GALNT11: variants seen among roughly 807,000 people sequenced by gnomAD.
GALNT11 encodes the protein UDP-GalNAc:polypeptide N-acetylgalactosaminyltransferase 11.
GALNT11 carries 47 observed loss-of-function variants against 72.7 expected under a neutral mutation model. The ratio of observed to expected loss-of-function variants is 0.65; its 90% CI spans 0.51 to 0.82. The LOEUF is 0.82. Among genes scored for constraint, GALNT11 ranks in the 40% least tolerant of loss-of-function variants. GALNT11 has a pLI of 0.00. For missense variants in GALNT11, 677 were observed against 778.4 expected (o/e 0.87, Z 1.55); for synonymous variants, 270 against 286.6 (o/e 0.94, Z 0.58).
At chr7:152,109,534 C>G (rs543226534) in intron 6 of GALNT11, among the ~76,000 whole-genome samples, 1 of 152,240 alleles carries the variant, frequency 6.6e-6, no homozygotes, top group African/African-American at 2.4e-5. Context: ...TCTGCCTTGT[C>G]TTTTTTGTTG....
At position 152,044,030 on chromosome 7, in the gene GALNT11, C is replaced by T. The variant is rs760013083; in HGVS notation, c.-39+18146C>T. Among the ~76,000 whole-genome samples, 6 of 152,258 alleles carry T rather than the reference C, an allele frequency of 3.9e-5. No homozygotes were observed. In the South Asian group the frequency reaches 8.3e-4, roughly 21 times the overall value. On this transcript the variant is annotated intron_variant, in intron 1 of 11. Transcript: ENST00000430044. The stretch of plus-strand genomic sequence containing the variant: ...CCCTTTGACCTGGGTTCGAGCCCCA[C>T]GTATGGGCATTACTTGCTGAGACCA...
rs551284326 is a variant in GALNT11, at chr7:152,035,091, T to G, written c.-39+9207T>G. On this transcript the variant is annotated intron_variant, in intron 1 of 11. Transcript: ENST00000430044. Reference sequence around the variant, plus strand: ...TGATGCCTTTTTGTCCGCACTTATATGAATACAAGAATGTCATTTCTGAAG... The same window carrying G: ...TGATGCCTTTTTGTCCGCACTTATAGGAATACAAGAATGTCATTTCTGAAG... Among the ~76,000 whole-genome samples the G allele has an allele frequency of 9.2e-5, 14 of 152,268 alleles. No individual in the cohort carries two copies. In the South Asian group the frequency reaches 2.9e-3, roughly 32 times the overall value.
At chr7:152,046,466 T>G (rs879416392) in intron 1 of GALNT11, among the ~76,000 whole-genome samples, 5 of 152,214 alleles carry the variant, frequency 3.3e-5, no homozygotes, top group Admixed American at 1.3e-4. Context: ...ATTTGCTTTA[T>G]GTATCTGGGT....
chr7:152,031,248 C>T (rs1160263226), intron 1 of GALNT11, among the ~76,000 whole-genome samples: 1 of 152,190 alleles, frequency 6.6e-6, no homozygotes, highest in Non-Finnish European at 1.5e-5. Context: ...AAATGAACTT[C>T]TGTTGGTATA....
At chr7:152,030,776 C>T (rs2082271493) in intron 1 of GALNT11, among the ~76,000 whole-genome samples, 1 of 151,982 alleles carries the variant, frequency 6.6e-6, no homozygotes, top group African/African-American at 2.4e-5. Flanking sequence ...CTCTCTGACT[C>T]CTTTGTCTCT....
rs141196767 is a variant in GALNT11, at chr7:152,112,741, C to T, written c.1081-505C>T. Among the ~76,000 whole-genome samples, 3 of 152,020 alleles carry T rather than the reference C, an allele frequency of 2.0e-5. No homozygotes were observed. In the East Asian group the frequency reaches 5.8e-4, roughly 29 times the overall value. ...CAGATAGTCAAGGACAGAATTTAGA[C>T]CAGAGCTAAGGTCTTTTGAATCTTA... On this transcript the variant is annotated intron_variant, in intron 7 of 11. Transcript: ENST00000430044.
chr7:152,066,267 AT>A (rs34998962), intron 1 of GALNT11, among the ~76,000 whole-genome samples: 30,770 of 152,180 alleles, frequency 0.2, 3,206 homozygotes, highest in Middle Eastern at 0.23. Context: ...CTGGTGTGCC[AT>A]TTGCTAAGAC....
At chr7:152,050,264 A>G (rs918097770) in intron 1 of GALNT11, among the ~76,000 whole-genome samples, 29 of 152,246 alleles carry the variant, frequency 1.9e-4, no homozygotes, top group South Asian at 4.1e-4. Context: ...AAGGTCCATG[A>G]TGAGTATGGC....
chr7:152,032,392 T>C (rs2082345142), intron 1 of GALNT11, among the ~76,000 whole-genome samples: 1 of 152,202 alleles, frequency 6.6e-6, no homozygotes. Context: ...GGAACCATTC[T>C]GCTTCCTCTG....
At chr7:152,096,046 T>C (rs1180301847) in intron 2 of GALNT11, among the ~76,000 whole-genome samples, 1 of 152,136 alleles carries the variant, frequency 6.6e-6, no homozygotes, top group Non-Finnish European at 1.5e-5. Context: ...CATAAAACAC[T>C]TAAGAATAAA....
At chr7:152,096,490 G>T (rs1275997928) in intron 2 of GALNT11, among the ~76,000 whole-genome samples, 2 of 152,154 alleles carry the variant, frequency 1.3e-5, no homozygotes, top group Non-Finnish European at 2.9e-5. Flanking sequence ...GCTGAGGTGG[G>T]TGGATCACCT....
chr7:152,051,206 T>G lies in GALNT11; in HGVS notation c.-39+25322T>G, dbSNP rs1042971869. ...CTAGAATTATATCTGGTTGTTTTTT[T>G]TTTTTTTTTTTTTTTTTTTTCAGTA... is the stretch of plus-strand genomic sequence containing the variant. On this transcript the variant is annotated intron_variant, in intron 1 of 11. Transcript: ENST00000430044. Among the ~76,000 whole-genome samples the G allele has an allele frequency of 6.8e-3, 1,000 of 146,412 alleles. 10 individuals are homozygous for G. The highest frequency in any genetic ancestry group is 0.024 in the African/African-American group (949 of 39,350).
chr7:152,102,928 C>T (rs979647408), intron 3 of GALNT11, among the ~76,000 whole-genome samples, 184 bp from the exon 4 acceptor site: 34 of 150,382 alleles, frequency 2.3e-4, no homozygotes, highest in Non-Finnish European at 5.9e-5. Flanking sequence ...TCACGATGAG[C>T]CGAGATAGCG....
At chr7:152,074,886 G>A (rs778676530) in intron 1 of GALNT11, 12 of 152,288 alleles carry the variant, frequency 7.9e-5, no homozygotes, top group Non-Finnish European at 1.6e-4. Context: ...GGGCTGGAGT[G>A]GGAGGAATGC....
At chr7:152,059,167 C>T (rs555230987) in intron 1 of GALNT11, among the ~76,000 whole-genome samples, 3 of 152,328 alleles carry the variant, frequency 2.0e-5, no homozygotes, top group South Asian at 4.1e-4. Flanking sequence ...GCAGTCATAG[C>T]TCACTGCAGC....
In GALNT11 at chr7:152,025,912, C is replaced by T. The variant is rs566716066; in HGVS notation, c.-39+28C>T. 132 of 209,368 alleles carry T rather than the reference C, an allele frequency of 6.3e-4. 1 individual carries two copies. Among genetic ancestry groups the T allele is most frequent in the African/African-American group, 3.1e-3 (119 of 38,064 alleles). The allele number at this position is 209,368 out of a possible 1,614,324, so 13.0% of individuals were successfully genotyped here. Reference sequence around the variant, plus strand: ...GAGTACCCTCTAGGCGGCGGCCTCCCGGCGTCCCTCAGCACCTCGAGAGCT... The same window carrying T: ...GAGTACCCTCTAGGCGGCGGCCTCCTGGCGTCCCTCAGCACCTCGAGAGCT... On this transcript the variant is annotated intron_variant, in intron 1 of 11. Transcript: ENST00000430044.
chr7:152,091,087 G>A (rs887975019), intron 1 of GALNT11, among the ~76,000 whole-genome samples: 22 of 151,584 alleles, frequency 1.5e-4, no homozygotes, highest in African/African-American at 5.3e-4. Flanking sequence ...TCACTCTGTC[G>A]CCCAAGCTGG....
chr7:152,099,947 AT>A (rs768708954), intron 2 of GALNT11, among the ~76,000 whole-genome samples: 188 of 114,472 alleles, frequency 1.6e-3, no homozygotes, highest in Middle Eastern at 5.1e-3. Flanking sequence ...CACCTGGCTA[AT>A]TTTTTTTTTT....
At chr7:152,033,718 G>C (rs1021356326) in intron 1 of GALNT11, among the ~76,000 whole-genome samples, 5 of 152,076 alleles carry the variant, frequency 3.3e-5, no homozygotes, top group African/African-American at 1.2e-4. Context: ...TAGAACACAG[G>C]TCAACAGATG....
Sources: allele counts gnomAD v4.1 joint callset (sites outside exome capture counted in the v4.1 genomes callset), GRCh38; gene constraint gnomAD v4.1.1; transcripts MANE v1.5; gene names NCBI Gene and HGNC (gene_info 2026-07-23, HGNC 2026-07-21).